DGKB: variants seen among roughly 807,000 people sequenced by gnomAD.
The protein encoded by DGKB is diacylglycerol kinase beta.
Under a neutral mutation model 114.3 loss-of-function variants are expected in DGKB, and 67 were observed. The ratio of observed to expected loss-of-function variants is 0.59; its 90% confidence interval spans 0.48 to 0.72. The LOEUF is 0.72. DGKB is among the 30% of genes least tolerant of loss of function. DGKB has a pLI of 0.00. For synonymous variants in DGKB, 398 were observed against 323.1 expected, an observed-to-expected ratio of 1.23 and a Z score of -2.49; for missense variants, 907 against 975.2, an observed-to-expected ratio of 0.93 and a Z score of 0.93.
chr7:14,508,078 G>A (rs890531175), intron 20 of DGKB, among the ~76,000 whole-genome samples: 1 of 152,108 alleles, frequency 6.6e-6, no homozygotes, highest in Non-Finnish European at 1.5e-5. Flanking sequence ...AGACAATCAG[G>A]CGGCATATTT....
At chr7:14,913,250 GTTCTC>G (rs1587368610) in intron 1 of DGKB, among the ~76,000 whole-genome samples, 2 of 151,746 alleles carry the variant, frequency 1.3e-5, no homozygotes, top group East Asian at 3.9e-4. Flanking sequence ...ACTCCGCTCT[GTTCTC>G]TTCTCCTCTG....
At chr7:14,634,630 A>T (rs1810393058) in intron 13 of DGKB, among the ~76,000 whole-genome samples, 1 of 151,558 alleles carries the variant, frequency 6.6e-6, no homozygotes, top group African/African-American at 2.4e-5. Flanking sequence ...GGCATCAAAA[A>T]AGTAGTAAGA....
chr7:14,155,661 T>C (rs1782903202), intron 25 of DGKB, among the ~76,000 whole-genome samples: 1 of 151,762 alleles, frequency 6.6e-6, no homozygotes, highest in Admixed American at 6.6e-5. Context: ...TTAAGAGAGA[T>C]TGAGGAGGCA....
chr7:14,962,658 G>T (rs1279480652), intron 1 of DGKB, among the ~76,000 whole-genome samples: 1 of 151,706 alleles, frequency 6.6e-6, no homozygotes, highest in African/African-American at 2.4e-5. Flanking sequence ...GTGTGTGTGT[G>T]TGTGTGTGTG....
At chr7:14,650,334 T>TA (rs1476567830) in intron 13 of DGKB, among the ~76,000 whole-genome samples, 2 of 50,628 alleles carry the variant, frequency 4.0e-5, no homozygotes, top group African/African-American at 1.8e-4. Context: ...AACTCAGGAT[T>TA]AAGAATCTCA....
intron 1 of DGKB, among the ~76,000 whole-genome samples, chr7:14,955,273 A>C (rs1786436137): frequency 6.6e-6 from 1 of 152,094 alleles, no homozygotes; most frequent in Non-Finnish European, 1.5e-5. Flanking sequence ...TGAATAAGAG[A>C]AGAAATAAAA....
intron 1 of DGKB, among the ~76,000 whole-genome samples, chr7:14,970,582 G>GA (rs1174693822): frequency 6.6e-6 from 1 of 151,940 alleles, no homozygotes; most frequent in Admixed American, 6.6e-5. Context: ...AACCAGAGGA[G>GA]AAAAAAACAC....
At chr7:14,299,320 T>C (rs944772509) in intron 23 of DGKB, among the ~76,000 whole-genome samples, 1 of 152,116 alleles carries the variant, frequency 6.6e-6, no homozygotes, top group Non-Finnish European at 1.5e-5. Context: ...AATGCCTAGA[T>C]AGAAAAGCCT....
chr7:14,337,957 T>TGCTTTCTGTTTCCCAGGTCTCC (rs1810974099), intron 23 of DGKB, among the ~76,000 whole-genome samples: 1 of 152,164 alleles, frequency 6.6e-6, no homozygotes, highest in Non-Finnish European at 1.5e-5. Context: ...TTTAGGTCTT[T>TGCTTTCTGTTTCCCAGGTCTCC]GCTTTCTGTT....
chr7:14,656,613 A>T (rs1032024888), intron 13 of DGKB, among the ~76,000 whole-genome samples: 1 of 151,468 alleles, frequency 6.6e-6, no homozygotes, highest in African/African-American at 2.4e-5. Context: ...TTCATGTCTT[A>T]TGGGGCTTTT....
At chr7:14,509,596 CA>C (rs1292684494) in intron 20 of DGKB, among the ~76,000 whole-genome samples, 22 of 152,368 alleles carry the variant, frequency 1.4e-4, no homozygotes, top group Non-Finnish European at 2.4e-4. Flanking sequence ...TTCTCCTTCA[CA>C]TATTAATCCT....
intron 23 of DGKB, among the ~76,000 whole-genome samples, chr7:14,298,887 T>C (rs942011807): frequency 6.6e-6 from 1 of 152,100 alleles, no homozygotes; most frequent in African/African-American, 2.4e-5. Flanking sequence ...GTGAAGGATA[T>C]GAACAGACAA....
At chr7:14,345,207 T>C (rs2271267) in intron 22 of DGKB, 94 bp downstream of exon 22, 214,112 of 682,602 alleles carry the variant, frequency 0.31, 34,270 homozygotes, top group South Asian at 0.37. Context: ...ATTGCTAATA[T>C]ATATTTCATT....
intron 13 of DGKB, among the ~76,000 whole-genome samples, chr7:14,663,610 T>TTCCCTTTC (rs1563838270): frequency 4.3e-5 from 5 of 116,304 alleles, no homozygotes; most frequent in Non-Finnish European, 9.2e-5. Context: ...TTCTTTTCTT[T>TTCCCTTTC]TCCCTTCCTC....
intron 1 of DGKB, among the ~76,000 whole-genome samples, chr7:14,951,634 C>A (rs1195285946): frequency 1.3e-5 from 2 of 151,798 alleles, no homozygotes; most frequent in East Asian, 1.9e-4. Context: ...CAATATAGAG[C>A]AAATCCCAAT....
intron 2 of DGKB, among the ~76,000 whole-genome samples, chr7:14,829,397 A>T (rs1467881069): frequency 6.6e-6 from 1 of 152,170 alleles, no homozygotes; most frequent in Non-Finnish European, 1.5e-5. Flanking sequence ...TCGGGAAAAG[A>T]AGTCACACAC....
At chr7:14,805,593 G>A (rs1011649896) in intron 2 of DGKB, among the ~76,000 whole-genome samples, 4 of 151,830 alleles carry the variant, frequency 2.6e-5, no homozygotes, top group Admixed American at 6.6e-5. Context: ...ACATGTGTGC[G>A]TATTTGGCTA....
intron 6 of DGKB, among the ~76,000 whole-genome samples, chr7:14,706,942 C>T (rs964847196): frequency 6.9e-6 from 1 of 143,896 alleles, no homozygotes; most frequent in Non-Finnish European, 1.5e-5. Flanking sequence ...CAAAAGCTAG[C>T]AGAAGGCAAG....
intron 9 of DGKB, among the ~76,000 whole-genome samples, chr7:14,691,047 T>G (rs751412673): frequency 1.3e-5 from 2 of 152,244 alleles, no homozygotes; most frequent in Non-Finnish European, 1.5e-5. Context: ...CTATTTGGTA[T>G]AGAATCTGGT....
Sources: allele counts gnomAD v4.1 joint callset (sites outside exome capture counted in the v4.1 genomes callset), GRCh38; gene constraint gnomAD v4.1.1; transcripts MANE v1.5; gene names NCBI Gene and HGNC (gene_info 2026-07-23, HGNC 2026-07-21).